The following KDM4F variants were observed in gnomAD, a reference collection of about 807,000 sequenced individuals.
KDM4F encodes the protein lysine demethylase 4F.
For missense variants in KDM4F, 586 were observed against 496.4 expected, an observed-to-expected ratio of 1.18 and a Z score of -1.71; for synonymous variants, 223 against 184.4, an observed-to-expected ratio of 1.21 and a Z score of -1.70.
exon 1 of KDM4F, chr11:95,050,092 C>G: frequency 6.3e-7 from 1 of 1,590,722 alleles, no homozygotes; most frequent in Non-Finnish European, 8.6e-7. Context: ...GAATGCCTGG[C>G]CAGGGAGCTC....
exon 1 of KDM4F, chr11:95,050,169 G>A (rs1397199550): frequency 2.5e-5 from 39 of 1,548,078 alleles, no homozygotes; most frequent in Non-Finnish European, 3.2e-5. Flanking sequence ...CTCGCCTACA[G>A]TTCTCAAAAA....
chr11:95,050,290 T>C, exon 1 of KDM4F: 3 of 1,442,492 alleles, frequency 2.1e-6, no homozygotes, highest in South Asian at 2.3e-5. Flanking sequence ...GCAGAGGCCA[T>C]CAACTTTGCC....
rs76929885 is a variant in KDM4F, at chr11:95,050,748, C to T, written c.1327C>T (p.Arg443Cys). ...AGGTCGTGGTCGAGGCCGTGGTCGT[C>T]GTCCTCGAGAACTGGGGACTGAGGA... Residue 443 changes from arginine to cysteine, a missense_variant, in exon 1 of 1, where the codon CGT (arginine) becomes TGT (cysteine). By Grantham distance (180) the Arg-to-Cys change is radical (BLOSUM62 -3). Transcript: ENST00000545950. 1.5e-3 allele frequency: 1,003 copies of T among 649,400 alleles called. 7 individuals are homozygous for T. The East Asian group carries it at 0.02, about 13-fold the overall frequency. 40.2% of individuals were successfully genotyped at this position (649,400 alleles called of 1,614,324 possible). A position where few individuals can be genotyped will look rare whatever the true frequency, so the allele number is the denominator to read the frequency against.
At chr11:95,050,685 G>A in exon 1 of KDM4F, 1 of 621,818 alleles carries the variant, frequency 1.6e-6, no homozygotes, top group Non-Finnish European at 2.9e-6. Context: ...CCCTTCCACT[G>A]GAAGGTGGGG....
chr11:95,049,948 A>G, exon 1 of KDM4F: 1 of 1,614,188 alleles, frequency 6.2e-7, no homozygotes, highest in African/African-American at 1.3e-5. Context: ...AACACACCCT[A>G]CCTGTACTTT....
exon 1 of KDM4F, chr11:95,049,539 G>T: frequency 6.3e-7 from 1 of 1,594,438 alleles, no homozygotes; most frequent in East Asian, 2.2e-5. Context: ...GTCCCAAGGC[G>T]CACACCGAGC....
chr11:95,050,732 T>C, exon 1 of KDM4F: 1 of 643,530 alleles, frequency 1.6e-6, no homozygotes, highest in Admixed American at 2.4e-5. Context: ...GAGGTCGTGG[T>C]CGAGGCCGTG....
At chr11:95,050,711 TGGTCGTGGTCGA>T (rs1295056827) in exon 1 of KDM4F, 37 of 630,792 alleles carry the variant, frequency 5.9e-5, no homozygotes, top group African/African-American at 1.1e-4. Context: ...GTCGTGGCTG[TGGTCGTGGTCGA>T]GGTCGTGGTC....
exon 1 of KDM4F, chr11:95,051,290 C>G (rs1555105479): frequency 2.5e-6 from 1 of 398,590 alleles, no homozygotes; most frequent in African/African-American, 2.1e-5. Context: ...AATGCATGAT[C>G]AATCCTCTGG....
At position 95,050,096 on chromosome 11, in the gene KDM4F, G is replaced by A. The variant is rs1235566754; in HGVS notation, c.675G>A (p.Arg225=). The A allele has an allele frequency of 1.8e-5, 28 of 1,590,728 alleles. No individual in the cohort carries two copies. In the South Asian group the frequency reaches 2.4e-4, roughly 14 times the overall value. Residue 225 remains arginine (R), a synonymous_variant, in exon 1 of 1, where the codon AGG becomes AGA. Transcript: ENST00000545950. ...GTCAGCGCCTGGAATGCCTGGCCAG[G>A]GAGCTCTTCCCAGGCAATTCCCGGG...
the KDM4F span, chr11:95,049,874 AG>A: frequency 1.9e-5 from 31 of 1,609,222 alleles, no homozygotes; most frequent in Non-Finnish European, 2.6e-5. Context: ...AATGGAACCT[AG>A]GACACCTGGG....
chr11:95,049,716 C>T (rs1265805596), exon 1 of KDM4F: 50 of 1,605,204 alleles, frequency 3.1e-5, no homozygotes, highest in Admixed American at 1.0e-4. Flanking sequence ...GGGGCAGTAT[C>T]GCCACTTGGC....
At chr11:95,049,921 T>C in exon 1 of KDM4F, 1 of 1,613,428 alleles carries the variant, frequency 6.2e-7, no homozygotes, top group Non-Finnish European at 8.5e-7. Context: ...GAATGTGGGG[T>C]TGTCATCGAG....
At chr11:95,050,909 G>C in exon 1 of KDM4F, 1 of 494,084 alleles carries the variant, frequency 2.0e-6, no homozygotes, top group East Asian at 3.2e-5. Context: ...GTGGCCTTCC[G>C]CATTTTGCAA....
chr11:95,051,125 G>A (rs190731230), exon 1 of KDM4F: 8 of 400,612 alleles, frequency 2.0e-5, no homozygotes, highest in East Asian at 7.1e-5. Flanking sequence ...GGAAATCCCC[G>A]GTGAATCTGG....
the KDM4F span, chr11:95,050,097 G>T: frequency 6.3e-7 from 1 of 1,590,314 alleles, no homozygotes; most frequent in Non-Finnish European, 8.6e-7. Flanking sequence ...CCTGGCCAGG[G>T]AGCTCTTCCC....
chr11:95,049,450 A>G (rs1858488587), exon 1 of KDM4F: 1 of 1,492,416 alleles, frequency 6.7e-7, no homozygotes, highest in East Asian at 2.5e-5. Context: ...AGTCCCCAGA[A>G]CACGAGTCAT....
exon 1 of KDM4F, chr11:95,050,424 C>A: frequency 1.2e-6 from 1 of 839,578 alleles, no homozygotes; most frequent in Non-Finnish European, 2.0e-6. Context: ...GCTCTGGAAA[C>A]ACAGGCAAGA....
At chr11:95,049,649 C>T in exon 1 of KDM4F, 10 of 1,599,040 alleles carry the variant, frequency 6.3e-6, no homozygotes, top group South Asian at 5.5e-5. Context: ...AGCAGGTGAC[C>T]TCTGGGCAGG....
Sources: allele counts gnomAD v4.1 joint callset, GRCh38; gene constraint gnomAD v4.1.1; transcripts MANE v1.5; gene names NCBI Gene and HGNC (gene_info 2026-07-23, HGNC 2026-07-21).